Variants in NSUN6 observed in about 807,000 individuals in gnomAD.
NSUN6 encodes the protein NOP2/Sun RNA methyltransferase 6.
In NSUN6, 64 loss-of-function variants were observed where a neutral mutation model predicts 58.0. The observed-to-expected ratio is 1.10, with a 90% CI of 0.90 to 1.36. The LOEUF (loss-of-function observed/expected upper bound fraction) is 1.36, where lower values mean the gene tolerates loss of function less well. Among genes scored for constraint, NSUN6 ranks in the 40% most tolerant of loss-of-function variants. The pLI, the probability that NSUN6 is intolerant of heterozygous loss-of-function variation, is 0.00. For synonymous variants in NSUN6, 231 were observed against 193.9 expected (o/e 1.19, Z -1.59); for missense variants, 701 against 550.1 (o/e 1.27, Z -2.74).
intron 7 of NSUN6, among the ~76,000 whole-genome samples, chr10:18,589,622 GA>G (rs1050845644): frequency 2.0e-5 from 3 of 152,072 alleles, no homozygotes; most frequent in African/African-American, 7.2e-5. Context: ...TTAAATAAAA[GA>G]ATTTTCAACC....
rs763098207 is a variant in NSUN6, at chr10:18,548,087, C to A, written c.1197+25G>T. ...AGTTTCTGTGATTTATCTTATTACA[C>A]AGAGAAAAATGAAATTACTCCTACC... On this transcript the variant is annotated intron_variant, in intron 10 of 10. Transcript: ENST00000377304. The A allele has an allele frequency of 5.6e-6, 9 of 1,610,960 alleles. No homozygotes were observed. In the East Asian group the frequency reaches 1.8e-4, roughly 32 times the overall value.
chr10:18,574,769 G>A (rs1352723445), intron 8 of NSUN6, among the ~76,000 whole-genome samples: 1 of 152,084 alleles, frequency 6.6e-6, no homozygotes, highest in Non-Finnish European at 1.5e-5. Context: ...GAGTGAATGA[G>A]GTCTCATTAA....
intron 8 of NSUN6, among the ~76,000 whole-genome samples, chr10:18,576,584 T>A (rs1281063748): frequency 6.6e-6 from 1 of 152,204 alleles, no homozygotes; most frequent in Non-Finnish European, 1.5e-5. Flanking sequence ...CTCTGCTACA[T>A]CCCGAAGTTT....
intron 3 of NSUN6, among the ~76,000 whole-genome samples, chr10:18,633,522 G>T (rs1326786086): frequency 6.6e-6 from 1 of 152,106 alleles, no homozygotes; most frequent in African/African-American, 2.4e-5. Context: ...ATAACCGGCT[G>T]ACAGTGAAAT....
At chr10:18,652,149 T>G, upstream of NSUN6, 1 of 984,914 alleles carries the variant, frequency 1.0e-6, no homozygotes, top group Non-Finnish European at 1.2e-6. Context: ...TTACAGTTAG[T>G]TATAAGGCTA....
intron 8 of NSUN6, among the ~76,000 whole-genome samples, chr10:18,556,727 G>A (rs1303230944): frequency 6.6e-6 from 1 of 151,470 alleles, no homozygotes; most frequent in African/African-American, 2.4e-5. Flanking sequence ...ATGGAGAATG[G>A]ATTGGAATGG....
intron 6 of NSUN6, among the ~76,000 whole-genome samples, chr10:18,603,119 C>A (rs780608968): frequency 1.3e-5 from 2 of 152,098 alleles, no homozygotes; most frequent in Non-Finnish European, 2.9e-5. Flanking sequence ...ATGGCAAAAC[C>A]CTGTCTCTAC....
intron 8 of NSUN6, among the ~76,000 whole-genome samples, chr10:18,566,957 T>C (rs567502915): frequency 3.3e-5 from 5 of 151,184 alleles, no homozygotes; most frequent in Admixed American, 1.3e-4. Flanking sequence ...TTATATTTCA[T>C]TCTATTCCAT....
intron 3 of NSUN6, among the ~76,000 whole-genome samples, chr10:18,631,478 A>G (rs1457615947): frequency 4.6e-5 from 6 of 131,058 alleles, no homozygotes; most frequent in East Asian, 5.3e-4. Context: ...CTGTTTGCAG[A>G]TGACATGATT....
intron 2 of NSUN6, among the ~76,000 whole-genome samples, chr10:18,646,707 T>C (rs1009113656): frequency 6.6e-6 from 1 of 152,186 alleles, no homozygotes; most frequent in African/African-American, 2.4e-5. Context: ...AGCAGGCGTC[T>C]GTAGTCCCAG....
intron 5 of NSUN6, among the ~76,000 whole-genome samples, chr10:18,613,438 C>A (rs7100144): frequency 0.21 from 31,731 of 151,986 alleles, 3,962 homozygotes; most frequent in Middle Eastern, 0.35. Flanking sequence ...CTTCCACCAA[C>A]AAAAAATTAT....
intron 8 of NSUN6, among the ~76,000 whole-genome samples, chr10:18,557,360 T>C (rs1464764618): frequency 6.9e-6 from 1 of 145,626 alleles, no homozygotes; most frequent in Non-Finnish European, 1.5e-5. Flanking sequence ...GAGGATGGTA[T>C]GGAGAATGAA....
At chr10:18,572,023 C>A (rs1224441621) in intron 8 of NSUN6, among the ~76,000 whole-genome samples, 1 of 150,822 alleles carries the variant, frequency 6.6e-6, no homozygotes, top group Admixed American at 6.6e-5. Context: ...CATTGCATTT[C>A]ATTCTCCACT....
intron 8 of NSUN6, among the ~76,000 whole-genome samples, chr10:18,574,661 C>T (rs1234589910): frequency 3.3e-5 from 5 of 152,104 alleles, no homozygotes; most frequent in Admixed American, 2.6e-4. Flanking sequence ...GCTGTTTGCA[C>T]TCAGCCAAGC....
intron 6 of NSUN6, among the ~76,000 whole-genome samples, chr10:18,603,291 G>C (rs971359196): frequency 2.3e-4 from 35 of 152,146 alleles, no homozygotes; most frequent in African/African-American, 7.9e-4. Flanking sequence ...CAAAACAGTA[G>C]ACAGATGGTT....
intron 9 of NSUN6, 96 bp from the exon 10 acceptor site, chr10:18,548,333 G>T: frequency 1.8e-6 from 2 of 1,087,920 alleles, no homozygotes; most frequent in Admixed American, 2.6e-5. Flanking sequence ...TCAAATGTTT[G>T]GGATAAATAA....
intron 8 of NSUN6, among the ~76,000 whole-genome samples, chr10:18,583,495 C>G (rs2131090361): frequency 6.6e-6 from 1 of 152,194 alleles, no homozygotes; most frequent in East Asian, 1.9e-4. Flanking sequence ...AAATGTGACC[C>G]ATTGGTAGGG....
At chr10:18,571,976 C>T (rs1344156873) in intron 8 of NSUN6, among the ~76,000 whole-genome samples, 1 of 150,258 alleles carries the variant, frequency 6.7e-6, no homozygotes, top group Non-Finnish European at 1.5e-5. Flanking sequence ...CCATTCACCA[C>T]TGCATTCCAT....
intron 8 of NSUN6, among the ~76,000 whole-genome samples, chr10:18,555,271 T>C (rs2054907127): frequency 7.3e-6 from 1 of 137,706 alleles, no homozygotes; most frequent in Admixed American, 7.6e-5. Context: ...TGAATGTGAA[T>C]GAAATGGAAT....
Sources: gnomAD v4.1 joint callset for allele counts (sites outside exome capture counted in the v4.1 genomes callset) on GRCh38, gnomAD v4.1.1 for gene constraint, MANE v1.5 for transcripts, NCBI Gene and HGNC (gene_info 2026-07-23, HGNC 2026-07-21) for gene names.